P4HA3: variants seen among roughly 807,000 people sequenced by gnomAD.
The protein encoded by P4HA3 is prolyl 4-hydroxylase subunit alpha-3.
In P4HA3, 60 loss-of-function variants were observed where a neutral mutation model predicts 66.7. That is an observed-to-expected ratio of 0.90 (90% confidence interval 0.73 to 1.12). P4HA3 has a LOEUF of 1.12. Among genes scored for constraint, P4HA3 ranks in the 50% most tolerant of loss-of-function variants. The pLI is 0.00. For missense variants in P4HA3, 683 were observed against 685.8 expected, an observed-to-expected ratio of 1.00 and a Z score of 0.05; for synonymous variants, 263 against 274.6, an observed-to-expected ratio of 0.96 and a Z score of 0.42.
chr11:74,260,282 G>A (rs1245466833), intron 14 of P4HA3: 1 of 152,188 alleles, frequency 6.6e-6, no homozygotes, highest in African/African-American at 2.4e-5. Context: ...AGGGAGGGAG[G>A]GTGTCTCTAG....
chr11:74,294,313 C>G (rs554199045), intron 4 of P4HA3, among the ~76,000 whole-genome samples: 1 of 152,294 alleles, frequency 6.6e-6, no homozygotes, highest in African/African-American at 2.4e-5. Flanking sequence ...CCTTTAAGGA[C>G]TTCTCTGCAT....
In P4HA3 at chr11:74,304,283, A is replaced by G. The variant is rs1205470738; in HGVS notation, c.330T>C (p.Ser110=). The G allele has an allele frequency of 6.2e-7, 1 of 1,613,774 alleles. No homozygotes were observed. The highest frequency in any genetic ancestry group is 2.2e-5 in the East Asian group (1 of 44,870). The change falls in exon 2 of 13, where the codon AGT becomes AGC. Residue 110 remains serine (S), a synonymous_variant. Coordinates refer to ENST00000331597, the MANE Select transcript of P4HA3 (RefSeq NM_182904.5). The part of the protein sequence containing the change: ...WRNVVHSLEA[S]ENIRALKDGY... ...CCTCCTCATTACCTCGGATGTTCTC[A>G]CTGGCCTCCAGACTATGTACCACAT... is the stretch of plus-strand genomic sequence containing the variant.
At chr11:74,274,339 T>C (rs1479756400) in intron 9 of P4HA3, among the ~76,000 whole-genome samples, 1 of 150,118 alleles carries the variant, frequency 6.7e-6, no homozygotes, top group East Asian at 2.0e-4. Flanking sequence ...GGAGTCTCAC[T>C]CTGTTGCCCA....
At chr11:74,296,645 G>GA (rs1245697648) in intron 4 of P4HA3, among the ~76,000 whole-genome samples, 7 of 152,170 alleles carry the variant, frequency 4.6e-5, no homozygotes, top group Non-Finnish European at 1.0e-4. Context: ...GACAAAACAG[G>GA]ATGTGGAAAG....
rs1861439418 is a variant in P4HA3 at position 74,302,491 on chromosome 11, G to A, written c.445C>T (p.Leu149Phe). ...ALMRLQDVYM[L>F]NVKGLARGVF... Reference sequence around the variant, plus strand: ...CCTCGGGCCAGGCCTTTCACATTGAGCATGTACACGTCCTGCAGCCGCATC... The same window carrying A: ...CCTCGGGCCAGGCCTTTCACATTGAACATGTACACGTCCTGCAGCCGCATC... The change falls in exon 3 of 13, where the codon CTC (leucine) becomes TTC (phenylalanine). Residue 149 changes from leucine to phenylalanine, a missense_variant. Coordinates refer to ENST00000331597, the MANE Select transcript of P4HA3 (RefSeq NM_182904.5). The A allele has an allele frequency of 1.9e-6, 3 of 1,614,072 alleles. No individual in the cohort carries two copies. Among genetic ancestry groups the A allele is most frequent in the Non-Finnish European group, 2.5e-6 (3 of 1,180,048 alleles).
intron 9 of P4HA3, among the ~76,000 whole-genome samples, 162 bp downstream of exon 9, chr11:74,276,823 A>T (rs919440021): frequency 5.3e-5 from 8 of 152,204 alleles, no homozygotes; most frequent in African/African-American, 1.9e-4. Flanking sequence ...AGTCAGCAAC[A>T]ATATGCTTGA....
intron 1 of P4HA3, among the ~76,000 whole-genome samples, chr11:74,304,876 C>T (rs1020722786): frequency 2.2e-4 from 34 of 152,098 alleles, no homozygotes; most frequent in African/African-American, 8.0e-4. Flanking sequence ...ATTTTTTCCA[C>T]GGACCGGGGG....
Position 74,279,425 on chromosome 11 carries a change from C to A in P4HA3, c.1138G>T (p.Glu380Ter). 3 of 1,613,902 alleles carry A rather than the reference C, an allele frequency of 1.9e-6. No homozygotes were observed. The highest frequency in any genetic ancestry group is 2.5e-6 in the Non-Finnish European group (3 of 1,179,850). The change falls in exon 8 of 13, where the codon GAG becomes TAG. Residue 380 changes from glutamate to a stop codon, truncating the protein, a stop_gained. Coordinates refer to ENST00000331597, the MANE Select transcript of P4HA3 (RefSeq NM_182904.5). LOFTEE classifies it high-confidence loss of function. ...CGGTACTCCACTTGTAACTGCTTCT[C>A]CCCTGATGCCACCACTGACCTCTGT... Reference protein sequence around the residue: ...WLQRSVVASGEKQLQVEYRIS... With the variant: ...WLQRSVVASG
In P4HA3 at chr11:74,302,541, T is replaced by C; in HGVS notation, c.395A>G (p.Asp132Gly). 1.2e-6 allele frequency: 2 copies of C among 1,614,170 alleles called. No individual in the cohort carries two copies. The highest frequency in any genetic ancestry group is 1.7e-6 in the Non-Finnish European group (2 of 1,180,030). ...KVEQDLPAFE[D>G]LEGAARALMR... ...CAGGGCCCTTGCTGCTCCCTCAAGG[T>C]CCTCAAAGGCTGGAAGGTCTTGCTC... Residue 132 changes from aspartate to glycine, a missense_variant, in exon 3 of 13, where the codon GAC becomes GGC. Coordinates refer to ENST00000331597, the MANE Select transcript of P4HA3 (RefSeq NM_182904.5).
At chr11:74,261,633 T>C (rs1859908664) in intron 14 of P4HA3, among the ~76,000 whole-genome samples, 1 of 152,190 alleles carries the variant, frequency 6.6e-6, no homozygotes, top group African/African-American at 2.4e-5. Flanking sequence ...TATGTCAGTA[T>C]TTTCACTAGT....
At chr11:74,268,329 C>T in intron 11 of P4HA3, 88 bp from the exon 12 acceptor site, 1 of 1,094,782 alleles carries the variant, frequency 9.1e-7, no homozygotes, top group Admixed American at 1.8e-5. Flanking sequence ...GCAGGCATGT[C>T]ATTGAAGAAG....
In P4HA3 at chr11:74,268,248, C is replaced by G. The variant is rs568507056; in HGVS notation, c.1468-7G>C. 3.1e-6 allele frequency: 5 copies of G among 1,611,620 alleles called. No homozygotes were observed. The African/African-American group carries it at 6.7e-5, about 22-fold the overall frequency. ...ACCAAAACAGTGCTGCATTCTGAAACAAGAGGGCCCAGCCCCAGGGAGGGT... is the reference window on the plus strand; with the variant it reads ...ACCAAAACAGTGCTGCATTCTGAAAGAAGAGGGCCCAGCCCCAGGGAGGGT... On this transcript the variant is annotated splice_polypyrimidine_tract_variant and splice_region_variant and intron_variant, in intron 11 of 12. Coordinates refer to ENST00000331597, the MANE Select transcript of P4HA3 (RefSeq NM_182904.5).
chr11:74,284,797 C>G (rs1006399193), intron 7 of P4HA3, among the ~76,000 whole-genome samples: 5 of 152,094 alleles, frequency 3.3e-5, no homozygotes, highest in African/African-American at 9.7e-5. Flanking sequence ...AGTGGCTCCC[C>G]CATGGAAACT....
intron 11 of P4HA3, among the ~76,000 whole-genome samples, chr11:74,268,889 T>G (rs1381116875): frequency 6.6e-6 from 1 of 152,214 alleles, no homozygotes; most frequent in East Asian, 1.9e-4. Flanking sequence ...TACTTTAACC[T>G]TGGTCCTCAA....
At chr11:74,292,972 C>T (rs1488680319) in intron 4 of P4HA3, among the ~76,000 whole-genome samples, 1 of 152,164 alleles carries the variant, frequency 6.6e-6, no homozygotes, top group Non-Finnish European at 1.5e-5. Context: ...CCACTTGGTG[C>T]ACAGCTGAGT....
At chr11:74,274,257 C>A (rs899375101) in intron 9 of P4HA3, among the ~76,000 whole-genome samples, 3 of 151,756 alleles carry the variant, frequency 2.0e-5, no homozygotes, top group Non-Finnish European at 2.9e-5. Context: ...TATCCGTTCA[C>A]CTGTTGACAG....
intron 12 of P4HA3, among the ~76,000 whole-genome samples, chr11:74,267,878 T>A (rs935372238): frequency 1.3e-5 from 2 of 152,158 alleles, no homozygotes; most frequent in Non-Finnish European, 2.9e-5. Context: ...GACACCATAT[T>A]CCTCTCTGGC....
chr11:74,257,445 A>G (rs1014050502), intron 15 of P4HA3, among the ~76,000 whole-genome samples: 2 of 152,072 alleles, frequency 1.3e-5, no homozygotes, highest in South Asian at 2.1e-4. Flanking sequence ...ATTTGAGTTG[A>G]GCCTTGAAGT....
chr11:74,294,608 G>A (rs1861150496), intron 4 of P4HA3, among the ~76,000 whole-genome samples: 1 of 152,160 alleles, frequency 6.6e-6, no homozygotes, highest in African/African-American at 2.4e-5. Flanking sequence ...TGATGGTGAT[G>A]TACAGGTGGG....
Sources: allele counts gnomAD v4.1 joint callset (sites outside exome capture counted in the v4.1 genomes callset), GRCh38; gene constraint gnomAD v4.1.1; transcripts MANE v1.5; gene names NCBI Gene and HGNC (gene_info 2026-07-23, HGNC 2026-07-21).